Variants in PLCD1 observed in about 807,000 individuals in gnomAD.
PLCD1 encodes the protein phospholipase C delta 1, also known as 1-phosphatidylinositol 4,5-bisphosphate phosphodiesterase delta-1.
A neutral mutation model predicts 87.4 loss-of-function variants in PLCD1; 71 were observed. The ratio of observed to expected loss-of-function variants is 0.81; its 90% CI spans 0.67 to 0.99. PLCD1 has a LOEUF of 0.99. Ranked by LOEUF, PLCD1 falls within the 50% of genes least tolerant of loss-of-function variation. PLCD1 has a pLI of 0.00. For missense variants in PLCD1, 867 were observed against 1,001.5 expected (o/e 0.87, Z 1.81); for synonymous variants, 348 against 399.2 (o/e 0.87, Z 1.53).
intron 1 of PLCD1, among the ~76,000 whole-genome samples, chr3:38,027,851 G>A (rs759239663): frequency 2.0e-5 from 3 of 152,254 alleles, no homozygotes; most frequent in Non-Finnish European, 2.9e-5. Flanking sequence ...AGGCAGTTGA[G>A]GTAATTTTGG....
chr3:38,011,508 T>G (rs754959387), intron 4 of PLCD1, 36 bp downstream of exon 4: 1 of 1,614,012 alleles, frequency 6.2e-7, no homozygotes, highest in Non-Finnish European at 8.5e-7. Flanking sequence ...AAGGGCCCCA[T>G]GGACAGGCAG....
intron 1 of PLCD1, among the ~76,000 whole-genome samples, chr3:38,026,334 C>CA (rs1700308170): frequency 1.3e-5 from 2 of 152,250 alleles, no homozygotes; most frequent in Non-Finnish European, 2.9e-5. Flanking sequence ...GCCTGGCCAA[C>CA]ATGGAGACAC....
chr3:38,009,554 C>A, intron 9 of PLCD1, 99 bp downstream of exon 9: 1 of 1,563,450 alleles, frequency 6.4e-7, no homozygotes. Flanking sequence ...GGCAGAGGGT[C>A]TGAGTGGCAG....
rs1187654406 is a variant in PLCD1, at chr3:38,018,755, C to T, written c.199+1433G>A. ...AAATCCCATATCAGGGCAAGAGCCCCATGAAGGAGCCTGTCTGGCGCCACA... is the reference window on the plus strand; with the variant it reads ...AAATCCCATATCAGGGCAAGAGCCCTATGAAGGAGCCTGTCTGGCGCCACA... On this transcript the variant is annotated intron_variant, in intron 2 of 14. Transcript: ENST00000334661. The surrounding 1 kb of genome is among the most constrained non-coding windows in gnomAD (Gnocchi z 5.7). 1.3e-5 allele frequency among the ~76,000 whole-genome samples: 2 copies of T among 152,192 alleles called. No individual in the cohort carries two copies. The highest frequency in any genetic ancestry group is 2.9e-5 in the Non-Finnish European group (2 of 68,030).
rs1315955410 is a variant in PLCD1, at chr3:38,025,498, G to A, written c.34+4008C>T. Among the ~76,000 whole-genome samples the A allele has an allele frequency of 6.6e-6, 1 of 152,120 alleles. No homozygotes were observed. Among genetic ancestry groups the A allele is most frequent in the Non-Finnish European group, 1.5e-5 (1 of 68,022 alleles). On this transcript the variant is annotated intron_variant, in intron 1 of 14. Coordinates refer to ENST00000334661, the MANE Select transcript of PLCD1 (RefSeq NM_006225.4). This position sits in a 1 kb window ranked among gnomAD's most constrained non-coding sequence, Gnocchi z 4.0. ...ACTTCAATTGCTCAACTAATTCATT[G>A]CGACTCAGCTTGCTGTTGCCTCATT...
intron 1 of PLCD1, among the ~76,000 whole-genome samples, chr3:38,020,879 C>T (rs1168471777): frequency 6.6e-6 from 1 of 152,184 alleles, no homozygotes; most frequent in Non-Finnish European, 1.5e-5. Context: ...ACTCCAATAG[C>T]TCCAGAATCA....
At position 38,025,197 on chromosome 3, in the gene PLCD1, C is replaced by T. The variant is rs1167860167; in HGVS notation, c.34+4309G>A. Among the ~76,000 whole-genome samples, 1 of 152,002 alleles carries T rather than the reference C, an allele frequency of 6.6e-6. No homozygotes were observed. The highest frequency in any genetic ancestry group is 1.5e-5 in the Non-Finnish European group (1 of 67,976). Reference sequence around the variant, plus strand: ...CCGCACTGGAAGGGCGGTGTCCAGGCAGGGAGGGGCGGTCCCTCGGCTTTG... The same window carrying T: ...CCGCACTGGAAGGGCGGTGTCCAGGTAGGGAGGGGCGGTCCCTCGGCTTTG... On this transcript the variant is annotated intron_variant, in intron 1 of 14. Coordinates refer to ENST00000334661, the MANE Select transcript of PLCD1 (RefSeq NM_006225.4). This position sits in a 1 kb window ranked among gnomAD's most constrained non-coding sequence, Gnocchi z 4.0.
intron 1 of PLCD1, among the ~76,000 whole-genome samples, chr3:38,028,214 T>C (rs1234306019): frequency 6.6e-6 from 1 of 152,198 alleles, no homozygotes; most frequent in Non-Finnish European, 1.5e-5. Flanking sequence ...TTCTTGCTAG[T>C]CTGGCAGGCG....
At chr3:38,015,026 C>T (rs545207132) in intron 3 of PLCD1, among the ~76,000 whole-genome samples, 1 of 152,304 alleles carries the variant, frequency 6.6e-6, no homozygotes, top group African/African-American at 2.4e-5. Context: ...TTGATGCAGC[C>T]TGTTTGGAAA....
In PLCD1 at chr3:38,010,201, T is replaced by C; in HGVS notation, c.1067A>G (p.His356Arg). The change falls in exon 7 of 15, where the codon CAC (histidine) becomes CGC (arginine). Residue 356 changes from histidine to arginine, a missense_variant. By Grantham distance (29) the His-to-Arg change is conservative (BLOSUM62 0). Coordinates refer to ENST00000334661, the MANE Select transcript of PLCD1 (RefSeq NM_006225.4). ...GATCTTGGAAGTGAAAGTATAGCCGTGGTAGATGATTGGTTCCTGGTTGGG... is the reference window on the plus strand; with the variant it reads ...GATCTTGGAAGTGAAAGTATAGCCGCGGTAGATGATTGGTTCCTGGTTGGG... ...DGPNQEPIIY[H>R]GYTFTSKILF... 2 of 1,614,044 alleles carry C rather than the reference T, an allele frequency of 1.2e-6. No homozygotes were observed. Among genetic ancestry groups the C allele is most frequent in the African/African-American group, 2.7e-5 (2 of 74,994 alleles).
In PLCD1 at chr3:38,018,332, T is replaced by C. The variant is rs1363841276; in HGVS notation, c.200-1613A>G. ...GAAAGCCCCCTCAGGCCTTGCTCCA[T>C]ACCTGCGCACACCTGGCTCCCTGAC... On this transcript the variant is annotated intron_variant, in intron 2 of 14. Coordinates refer to ENST00000334661, the MANE Select transcript of PLCD1 (RefSeq NM_006225.4). This position sits in a 1 kb window ranked among gnomAD's most constrained non-coding sequence, Gnocchi z 5.7. 1.3e-5 allele frequency among the ~76,000 whole-genome samples: 2 copies of C among 151,996 alleles called. No homozygotes were observed. Among genetic ancestry groups the C allele is most frequent in the African/African-American group, 2.4e-5 (1 of 41,382 alleles).
chr3:38,008,941 G>T, intron 11 of PLCD1, 101 bp downstream of exon 11: 1 of 917,514 alleles, frequency 1.1e-6, no homozygotes, highest in Non-Finnish European at 1.8e-6. Flanking sequence ...GACCCTGCTT[G>T]GGTCCTCAGA....
chr3:38,014,208 T>C (rs1309793137), intron 3 of PLCD1, among the ~76,000 whole-genome samples: 5 of 152,076 alleles, frequency 3.3e-5, no homozygotes, highest in South Asian at 2.1e-4. Context: ...TTTGCAGAAA[T>C]TGACAGGCTA....
At chr3:38,027,675 T>C (rs1049124502) in intron 1 of PLCD1, among the ~76,000 whole-genome samples, 5 of 152,214 alleles carry the variant, frequency 3.3e-5, no homozygotes, top group Non-Finnish European at 7.3e-5. Context: ...AGTGTGGTCC[T>C]GCAGCACATC....
rs771603558 is a variant in PLCD1, at chr3:38,011,551, A to G, written c.551T>C (p.Ile184Thr). 1.9e-6 allele frequency: 3 copies of G among 1,614,162 alleles called. No homozygotes were observed. Among genetic ancestry groups the G allele is most frequent in the Non-Finnish European group, 1.7e-6 (2 of 1,180,012 alleles). Residue 184 changes from isoleucine to threonine, a missense_variant, in exon 4 of 15, where the codon ATC becomes ACC. Transcript: ENST00000334661. Reference protein sequence around the residue: ...IQVDDSYARKIFRECDHSQTD... With the variant: ...IQVDDSYARKTFRECDHSQTD... ...CCCCACTTCCTGCCTCACCCTGAAG[A>G]TCTTCCGGGCATAGCTGTCGTCCAC... is the stretch of plus-strand genomic sequence containing the variant.
chr3:38,015,931 T>C (rs2125547411), intron 3 of PLCD1, among the ~76,000 whole-genome samples: 2 of 152,254 alleles, frequency 1.3e-5, no homozygotes, highest in Middle Eastern at 3.4e-3. Context: ...AACTCCATGC[T>C]GGTGACAGAC....
intron 5 of PLCD1, 131 bp from the exon 6 acceptor site, chr3:38,010,693 T>G: frequency 1.4e-6 from 1 of 710,646 alleles, no homozygotes; most frequent in Non-Finnish European, 2.4e-6. Flanking sequence ...CCAGAGCTCT[T>G]GGAATTAGGA....
chr3:38,011,177 T>C (rs1300028981), intron 5 of PLCD1, 37 bp downstream of exon 5: 3 of 1,523,460 alleles, frequency 2.0e-6, no homozygotes. Flanking sequence ...AGTGCGGCCC[T>C]GCGACTGCAG....
intron 3 of PLCD1, among the ~76,000 whole-genome samples, chr3:38,012,912 T>C (rs1195818299): frequency 6.6e-6 from 1 of 152,104 alleles, no homozygotes; most frequent in African/African-American, 2.4e-5. Flanking sequence ...ATTTATTTAT[T>C]TGGTTTTTTG....
Sources: gnomAD v4.1 joint callset for allele counts (sites outside exome capture counted in the v4.1 genomes callset) on GRCh38, gnomAD v4.1.1 for gene constraint, Gnocchi (gnomAD v3.1) non-coding constraint, MANE v1.5 for transcripts, NCBI Gene and HGNC (gene_info 2026-07-23, HGNC 2026-07-21) for gene names.